The following PSME4 variants were observed in gnomAD, a reference collection of about 807,000 sequenced individuals.
The protein encoded by PSME4 is proteasome activator subunit 4, also known as proteasome activator complex subunit 4.
PSME4 carries 89 observed loss-of-function variants against 253.9 expected under a neutral mutation model. The observed-to-expected ratio is 0.35, with a 90% CI of 0.30 to 0.42. The LOEUF is 0.42. PSME4 is among the 10% of genes least tolerant of loss of function. The pLI, the probability that PSME4 is intolerant of heterozygous loss-of-function variation, is 1.00. For synonymous variants in PSME4, 851 were observed against 759.2 expected (o/e 1.12, Z -1.99); for missense variants, 2,014 against 2,195.2 (o/e 0.92, Z 1.65).
chr2:53,927,362 T>C lies in PSME4; in HGVS notation c.1593+32A>G, dbSNP rs1030317219. 5 of 1,408,664 alleles carry C rather than the reference T, an allele frequency of 3.5e-6. No individual in the cohort carries two copies. In the African/African-American group the frequency reaches 7.1e-5, roughly 20 times the overall value. The allele number at this position is 1,408,664 out of a possible 1,614,324, so 87.3% of individuals were successfully genotyped here. ...CATATGCAATAATAATTAGAACATC[T>C]TAGCCCTTTTATAACCATAAAATAC... On this transcript the variant is annotated intron_variant, in intron 12 of 46. Coordinates refer to ENST00000404125, the MANE Select transcript of PSME4 (RefSeq NM_014614.3).
At chr2:53,907,916 C>A in intron 24 of PSME4, 1 of 160,476 alleles carries the variant, frequency 6.2e-6, no homozygotes, top group Admixed American at 6.3e-5. Context: ...CTTCCAAGGC[C>A]CCAAAGAAGC....
intron 8 of PSME4, among the ~76,000 whole-genome samples, chr2:53,933,581 C>T (rs530467960): frequency 6.6e-6 from 1 of 152,102 alleles, no homozygotes; most frequent in East Asian, 1.9e-4. Flanking sequence ...AGGGTCTCGC[C>T]ATGTGGCCCA....
intron 34 of PSME4, among the ~76,000 whole-genome samples, chr2:53,894,770 G>C (rs1558659559): frequency 6.6e-6 from 1 of 152,198 alleles, no homozygotes. Context: ...GTAGCCAACG[G>C]AGGGCTGAAT....
At chr2:53,881,137 G>T (rs954843616) in intron 41 of PSME4, among the ~76,000 whole-genome samples, 12 of 152,140 alleles carry the variant, frequency 7.9e-5, no homozygotes, top group Admixed American at 2.6e-4. Context: ...ACTAAACTAT[G>T]TTAACCAGTA....
intron 35 of PSME4, 116 bp downstream of exon 35, chr2:53,893,558 G>A: frequency 6.5e-7 from 1 of 1,534,802 alleles, no homozygotes; most frequent in Non-Finnish European, 8.7e-7. Context: ...GTAAATTCCA[G>A]TGCCATTTTA....
intron 44 of PSME4, among the ~76,000 whole-genome samples, chr2:53,868,575 T>TC (rs1678715036): frequency 9.3e-6 from 1 of 107,098 alleles, no homozygotes; most frequent in African/African-American, 4.2e-5. Context: ...ATATATATTA[T>TC]AAAATATATT....
chr2:53,873,929 A>C (rs1025941318), intron 43 of PSME4, among the ~76,000 whole-genome samples: 1 of 152,080 alleles, frequency 6.6e-6, no homozygotes, highest in African/African-American at 2.4e-5. Flanking sequence ...GGGTATCAAA[A>C]TTACTCACAT....
chr2:53,890,465 C>A (rs972171165), intron 36 of PSME4, among the ~76,000 whole-genome samples: 1 of 152,054 alleles, frequency 6.6e-6, no homozygotes, highest in African/African-American at 2.4e-5. Context: ...TGCCACTATG[C>A]CCTGAAATAT....
chr2:53,921,098 G>A lies in PSME4; in HGVS notation c.2053C>T (p.Arg685Ter), dbSNP rs1299139123. 3.1e-6 allele frequency: 5 copies of A among 1,613,302 alleles called. No individual in the cohort carries two copies. Among genetic ancestry groups the A allele is most frequent in the East Asian group, 2.2e-5 (1 of 44,862 alleles). The change falls in exon 18 of 47, where the codon CGA (arginine) becomes TGA (stop). Residue 685 changes from arginine to a stop codon, truncating the protein, a stop_gained. Coordinates refer to ENST00000404125, the MANE Select transcript of PSME4 (RefSeq NM_014614.3). LOFTEE classifies it high-confidence loss of function. ...WNLQLLSEITRVDGRKLLLYR... is the reference protein window; with the variant it reads ...WNLQLLSEIT The stretch of plus-strand genomic sequence containing the variant: ...AGAAGCAACTTCCTTCCATCCACTC[G>A]AGTAATCTAAAAGGAGGGAAAAAAT...
At chr2:53,940,716 G>A (rs1271866353) in intron 3 of PSME4, among the ~76,000 whole-genome samples, 1 of 150,490 alleles carries the variant, frequency 6.6e-6, no homozygotes, top group African/African-American at 2.4e-5. Context: ...TCATAGTCAA[G>A]CGGTCAAATG....
intron 1 of PSME4, among the ~76,000 whole-genome samples, chr2:53,950,178 GC>G (rs1426231108): frequency 6.6e-6 from 1 of 152,058 alleles, no homozygotes; most frequent in Non-Finnish European, 1.5e-5. Flanking sequence ...CGGGTCGGGG[GC>G]TGAGGTGGGA....
intron 21 of PSME4, 64 bp from the exon 22 acceptor site, chr2:53,908,904 A>G (rs1558672870): frequency 3.2e-6 from 4 of 1,254,664 alleles, no homozygotes; most frequent in South Asian, 1.2e-5. Context: ...TTTAAAGTTT[A>G]TATCAACAGG....
chr2:53,969,280 A>G (rs528255494), intron 1 of PSME4, among the ~76,000 whole-genome samples: 2 of 152,316 alleles, frequency 1.3e-5, no homozygotes, highest in South Asian at 4.1e-4. Flanking sequence ...TAACCTTGAC[A>G]TTTTATGATC....
chr2:53,923,690 A>C (rs941507757), intron 14 of PSME4, among the ~76,000 whole-genome samples: 1 of 152,118 alleles, frequency 6.6e-6, no homozygotes, highest in Non-Finnish European at 1.5e-5. Flanking sequence ...TGGGAGGCTG[A>C]GGCAGGAGCA....
Position 53,970,966 on chromosome 2 carries a change from G to C in PSME4, c.-182C>G, listed in dbSNP as rs1323961226. ...GCTGCTGGGCCCCACGCGGCTCTCA[G>C]TTCGTTGGCGGCGGCAGCGGCCGCT... On this transcript the variant is annotated 5_prime_UTR_variant, in exon 1 of 47. Coordinates refer to ENST00000404125, the MANE Select transcript of PSME4 (RefSeq NM_014614.3). The C allele has an allele frequency of 1.4e-5, 7 of 493,930 alleles. No individual in the cohort carries two copies. In the East Asian group the frequency reaches 2.2e-4, roughly 15 times the overall value. The allele number at this position is 493,930 out of a possible 1,614,324, so 30.6% of individuals were successfully genotyped here. A position where few individuals can be genotyped will look rare whatever the true frequency, so the allele number is the denominator to read the frequency against.
At chr2:53,879,535 C>T (rs1465567442) in intron 41 of PSME4, among the ~76,000 whole-genome samples, 1 of 152,004 alleles carries the variant, frequency 6.6e-6, no homozygotes, top group African/African-American at 2.4e-5. Flanking sequence ...GAGTAACTGT[C>T]AACAGGAACC....
chr2:53,911,590 C>A (rs1014231097), intron 20 of PSME4, among the ~76,000 whole-genome samples: 1 of 151,908 alleles, frequency 6.6e-6, no homozygotes, highest in Non-Finnish European at 1.5e-5. Flanking sequence ...TTCCCACCCT[C>A]CCCCCGCCCA....
intron 32 of PSME4, 48 bp from the exon 33 acceptor site, chr2:53,895,784 A>G: frequency 6.8e-7 from 1 of 1,479,528 alleles, no homozygotes. Flanking sequence ...TATTCGCCCA[A>G]CAATTATTAC....
chr2:53,877,019 A>G (rs1469428316), intron 41 of PSME4, among the ~76,000 whole-genome samples: 1 of 151,810 alleles, frequency 6.6e-6, no homozygotes, highest in East Asian at 1.9e-4. Flanking sequence ...CAGTGTACCC[A>G]GTATCCGTAT....
Sources: gnomAD v4.1 joint callset for allele counts (sites outside exome capture counted in the v4.1 genomes callset) on GRCh38, gnomAD v4.1.1 for gene constraint, MANE v1.5 for transcripts, NCBI Gene and HGNC (gene_info 2026-07-23, HGNC 2026-07-21) for gene names.